The following ACBD6 variants were observed in gnomAD, a reference collection of about 807,000 sequenced individuals.
ACBD6 encodes acyl-CoA-binding domain-containing protein 6.
In ACBD6, 28 loss-of-function variants were observed where a neutral mutation model predicts 37.2. The observed-to-expected ratio is 0.75, with a 90% CI of 0.56 to 1.03. The LOEUF (loss-of-function observed/expected upper bound fraction) is 1.03, where lower values mean the gene tolerates loss of function less well. Ranked by LOEUF, ACBD6 falls within the 50% of genes least tolerant of loss-of-function variation. The probability of loss-of-function intolerance (pLI) is 0.00; values close to 1 mark genes in which losing one functional copy is unlikely to be tolerated. For synonymous variants in ACBD6, 113 were observed against 126.8 expected (o/e 0.89, Z 0.73); for missense variants, 340 against 337.4 (o/e 1.01, Z -0.06).
intron 10 of ACBD6, chr1:180,274,396 G>A (rs1648897021): frequency 1.2e-6 from 2 of 1,614,182 alleles, no homozygotes; most frequent in Non-Finnish European, 1.7e-6. Context: ...TCAATGGGCT[G>A]GATTACACGG....
intron 6 of ACBD6, among the ~76,000 whole-genome samples, chr1:180,395,691 G>A (rs1654236168): frequency 6.6e-6 from 1 of 152,128 alleles, no homozygotes; most frequent in Non-Finnish European, 1.5e-5. Flanking sequence ...GAATATCTGT[G>A]TATTACTGGT....
chr1:180,391,960 T>C (rs774291150), intron 6 of ACBD6, among the ~76,000 whole-genome samples: 3 of 152,096 alleles, frequency 2.0e-5, no homozygotes, highest in Non-Finnish European at 4.4e-5. Flanking sequence ...CGCAATGAAA[T>C]GTTATACAGC....
At chr1:180,477,485 A>G (rs1206813825) in intron 3 of ACBD6, among the ~76,000 whole-genome samples, 1 of 152,196 alleles carries the variant, frequency 6.6e-6, no homozygotes, top group Non-Finnish European at 1.5e-5. Context: ...AATTACCTCT[A>G]TATGGAGGTT....
intron 3 of ACBD6, among the ~76,000 whole-genome samples, chr1:180,431,007 T>C (rs141990119): frequency 6.6e-6 from 1 of 152,242 alleles, no homozygotes; most frequent in East Asian, 1.9e-4. Flanking sequence ...CCTGCAAAAG[T>C]CAAAACTCTG....
intron 6 of ACBD6, among the ~76,000 whole-genome samples, chr1:180,392,033 T>C (rs1266205498): frequency 6.6e-6 from 1 of 152,168 alleles, no homozygotes; most frequent in African/African-American, 2.4e-5. Context: ...TTGAACATAA[T>C]AAGCTTAATC....
At chr1:180,314,834 G>T in intron 6 of ACBD6, 112 bp from the exon 7 acceptor site, 1 of 803,358 alleles carries the variant, frequency 1.2e-6, no homozygotes, top group Non-Finnish European at 2.1e-6. Flanking sequence ...AGGTTTATCA[G>T]ACTTAGGAAA....
At chr1:180,285,989 T>A (rs1269732565), downstream of ACBD6, among the ~76,000 whole-genome samples, 1 of 152,206 alleles carries the variant, frequency 6.6e-6, no homozygotes, top group Non-Finnish European at 1.5e-5. Context: ...AATTCACTAC[T>A]TTCTATGAGA....
intron 6 of ACBD6, among the ~76,000 whole-genome samples, chr1:180,359,115 T>A (rs1652745271): frequency 6.6e-6 from 1 of 152,236 alleles, no homozygotes; most frequent in Admixed American, 6.5e-5. Flanking sequence ...GCTGATTACC[T>A]GATTTCATTC....
Position 180,288,351 on chromosome 1 carries a change from C to T in ACBD6, c.*12G>A. On this transcript the variant is annotated 3_prime_UTR_variant, in exon 8 of 8. Transcript: ENST00000367595. ...TTATGCTATTACAGACTGCAGTTTT[C>T]CAGTCTTTTGATTAAGCCTTGCCAG... 6.2e-7 allele frequency: 1 copy of T among 1,613,566 alleles called. No individual in the cohort carries two copies. Among genetic ancestry groups the T allele is most frequent in the African/African-American group, 1.3e-5 (1 of 75,028 alleles).
intron 4 of ACBD6, among the ~76,000 whole-genome samples, chr1:180,413,918 G>T (rs1158150727): frequency 6.6e-6 from 1 of 152,030 alleles, no homozygotes; most frequent in African/African-American, 2.4e-5. Context: ...CTTTACAAAT[G>T]AAAAAACAGG....
Position 180,342,456 on chromosome 1 carries a change from A to C in ACBD6, c.664-27734T>G, listed in dbSNP as rs554942001. Reference sequence around the variant, plus strand: ...CCCAAATGTAAGTTGTTCTTCTCTTACTCATTTTTTGTATGCCTAGCATAC... The same window carrying C: ...CCCAAATGTAAGTTGTTCTTCTCTTCCTCATTTTTTGTATGCCTAGCATAC... On this transcript the variant is annotated intron_variant, in intron 6 of 7. Transcript: ENST00000367595. 1.3e-3 allele frequency among the ~76,000 whole-genome samples: 196 copies of C among 152,258 alleles called. 1 individual carries two copies. The highest frequency in any genetic ancestry group is 3.4e-3 in the Middle Eastern group (1 of 292).
intron 6 of ACBD6, among the ~76,000 whole-genome samples, chr1:180,392,309 T>C (rs1266064165): frequency 6.6e-6 from 1 of 152,004 alleles, no homozygotes; most frequent in Non-Finnish European, 1.5e-5. Context: ...CACTGTGCTG[T>C]ATCCTTAAGA....
At chr1:180,271,262 C>G in exon 14 of ACBD6, 1 of 1,136,378 alleles carries the variant, frequency 8.8e-7, no homozygotes, top group Non-Finnish European at 1.3e-6. Flanking sequence ...CTGTGCCTCG[C>G]GCTGTCCTGC....
intron 11 of ACBD6, chr1:180,273,406 AT>A (rs1648813671): frequency 6.6e-6 from 1 of 152,432 alleles, no homozygotes; most frequent in African/African-American, 2.4e-5. Context: ...CACCTAGAAC[AT>A]ACTGGATTGT....
At chr1:180,346,988 C>A (rs1416397844) in intron 6 of ACBD6, among the ~76,000 whole-genome samples, 1 of 151,872 alleles carries the variant, frequency 6.6e-6, no homozygotes, top group African/African-American at 2.4e-5. Flanking sequence ...TGCACTCCAC[C>A]CCGGGTGACA....
intron 6 of ACBD6, chr1:180,326,427 C>T (rs1253715380): frequency 6.6e-6 from 1 of 152,162 alleles, no homozygotes; most frequent in Non-Finnish European, 1.5e-5. Context: ...GGGCAGTGGG[C>T]TCCCCTCTGG....
At chr1:180,337,454 CG>C (rs1188931939) in intron 6 of ACBD6, among the ~76,000 whole-genome samples, 1 of 152,086 alleles carries the variant, frequency 6.6e-6, no homozygotes, top group Non-Finnish European at 1.5e-5. Flanking sequence ...AATTCAACAA[CG>C]CTTCATGCTA....
Position 180,476,849 on chromosome 1 carries a change from A to T in ACBD6, c.384+15420T>A, listed in dbSNP as rs138341231. Among the ~76,000 whole-genome samples the T allele has an allele frequency of 5.1e-3, 776 of 152,164 alleles. 4 individuals are homozygous for T. Among genetic ancestry groups the T allele is most frequent in the African/African-American group, 0.018 (735 of 41,512 alleles). ...CAAAAAAAGCACAAAAAACAAAAAC[A>T]AACAAAAAAAACAAGAAAACTCAAA... On this transcript the variant is annotated intron_variant, in intron 3 of 7. Transcript: ENST00000367595.
chr1:180,326,933 C>A (rs1484335358), intron 6 of ACBD6, among the ~76,000 whole-genome samples: 2 of 152,104 alleles, frequency 1.3e-5, no homozygotes, highest in Non-Finnish European at 2.9e-5. Flanking sequence ...AGATGTAAGA[C>A]AAAGTCCTCC....
Sources: allele counts gnomAD v4.1 joint callset (sites outside exome capture counted in the v4.1 genomes callset), GRCh38; gene constraint gnomAD v4.1.1; transcripts MANE v1.5; gene names NCBI Gene and HGNC (gene_info 2026-07-23, HGNC 2026-07-21).